USP34: variants seen among roughly 807,000 people sequenced by gnomAD.
USP34 encodes ubiquitin specific peptidase 34.
USP34 carries 70 observed loss-of-function variants against 460.3 expected under a neutral mutation model. That is an observed-to-expected ratio of 0.15 (90% CI 0.13 to 0.19). The LOEUF is 0.19. Ranked by LOEUF, USP34 falls within the 10% of genes least tolerant of loss-of-function variation. The probability of loss-of-function intolerance (pLI) is 1.00; values close to 1 mark genes in which losing one functional copy is unlikely to be tolerated. For synonymous variants in USP34, 1,647 were observed against 1,405.3 expected, an observed-to-expected ratio of 1.17 and a Z score of -3.85; for missense variants, 3,985 against 4,236.2, an observed-to-expected ratio of 0.94 and a Z score of 1.65.
intron 75 of USP34, among the ~76,000 whole-genome samples, chr2:61,198,931 T>C (rs1456784676): frequency 6.6e-6 from 1 of 152,198 alleles, no homozygotes; most frequent in Non-Finnish European, 1.5e-5. Context: ...CACTTTTTTG[T>C]GTCTAAACTG....
chr2:61,205,155 T>G (rs1292610746), intron 72 of USP34, among the ~76,000 whole-genome samples: 1 of 152,206 alleles, frequency 6.6e-6, no homozygotes, highest in Non-Finnish European at 1.5e-5. Context: ...CCAGCCCAGA[T>G]TATTTAATGT....
At chr2:61,206,943 A>T (rs1687137102) in intron 70 of USP34, 57 bp from the exon 71 acceptor site, 2 of 1,568,010 alleles carry the variant, frequency 1.3e-6, no homozygotes. Flanking sequence ...ACTGAGCCAC[A>T]AAATGGTAGT....
chr2:61,430,366 T>C (rs2103996102), intron 1 of USP34, among the ~76,000 whole-genome samples: 1 of 152,318 alleles, frequency 6.6e-6, no homozygotes, highest in African/African-American at 2.4e-5. Flanking sequence ...ATCGTGCCAT[T>C]GCACTCCGGC....
At chr2:61,446,727 C>T (rs1461099345) in intron 1 of USP34, among the ~76,000 whole-genome samples, 1 of 149,668 alleles carries the variant, frequency 6.7e-6, no homozygotes, top group Non-Finnish European at 1.5e-5. Flanking sequence ...ACCTGAGAGG[C>T]AGAGGTTGCA....
rs114368426 is a variant in USP34, at chr2:61,367,654, G to A, written c.1251+2667C>T. ...ATCACTAAATATAGTAAAAGAAATA[G>A]CAACATAATGGAAGAAATATAATTG... On this transcript the variant is annotated intron_variant, in intron 10 of 79. Transcript: ENST00000398571. Among the ~76,000 whole-genome samples the A allele has an allele frequency of 7.4e-3, 1,121 of 151,968 alleles. 11 individuals are homozygous for A. Among genetic ancestry groups the A allele is most frequent in the African/African-American group, 0.026 (1,067 of 41,442 alleles).
chr2:61,241,782 TC>T lies in USP34; in HGVS notation c.6664del (p.Asp2222ThrfsTer37). 6.5e-7 allele frequency: 1 copy of T among 1,535,616 alleles called. No individual in the cohort carries two copies. The highest frequency in any genetic ancestry group is 8.8e-7 in the Non-Finnish European group (1 of 1,136,844). On this transcript the variant is annotated frameshift_variant, in exon 52 of 80. Transcript: ENST00000398571. LOFTEE classifies it high-confidence loss of function. ...TYDSVTDKFM[D>X]FSFEKTHSAY... ...AATGGTTACCTTTTCAAAAGAGAAG[TC>T]CATAAATTTATCTGTAACAGAATCA...
intron 3 of USP34, among the ~76,000 whole-genome samples, chr2:61,404,581 C>T (rs1462928001): frequency 6.6e-6 from 1 of 152,130 alleles, no homozygotes; most frequent in Non-Finnish European, 1.5e-5. Flanking sequence ...AGCCAATCTA[C>T]CCTAGTGGAA....
chr2:61,284,856 T>G lies in USP34; in HGVS notation c.4832+19A>C. On this transcript the variant is annotated intron_variant, in intron 35 of 79. Transcript: ENST00000398571. ...TCCTGCTATACATACACACATAAAA[T>G]ATATCTTAAAATGCATACCTAGGAG... 2 of 1,587,024 alleles carry G rather than the reference T, an allele frequency of 1.3e-6. No homozygotes were observed.
chr2:61,190,097 C>T, intron 78 of USP34, 174 bp downstream of exon 78: 1 of 697,528 alleles, frequency 1.4e-6, no homozygotes, highest in Non-Finnish European at 2.2e-6. Context: ...ATAGAGTGTG[C>T]TGTGTACATA....
At chr2:61,307,512 A>G (rs1690450335) in intron 27 of USP34, among the ~76,000 whole-genome samples, 1 of 152,042 alleles carries the variant, frequency 6.6e-6, no homozygotes, top group Admixed American at 6.6e-5. Flanking sequence ...CAATCTCATG[A>G]TTTCCTTTTT....
intron 5 of USP34, among the ~76,000 whole-genome samples, chr2:61,386,166 T>C (rs1274454934): frequency 6.6e-6 from 1 of 151,986 alleles, no homozygotes; most frequent in Non-Finnish European, 1.5e-5. Flanking sequence ...CATAAAAACA[T>C]CCGATTTGGC....
At chr2:61,311,221 G>C (rs1558523616) in intron 27 of USP34, among the ~76,000 whole-genome samples, 1 of 152,198 alleles carries the variant, frequency 6.6e-6, no homozygotes, top group Non-Finnish European at 1.5e-5. Context: ...AAAAGGGTCT[G>C]ATGGAGGGAG....
intron 1 of USP34, among the ~76,000 whole-genome samples, chr2:61,459,155 A>G (rs1461820188): frequency 6.6e-6 from 1 of 152,206 alleles, no homozygotes; most frequent in Non-Finnish European, 1.5e-5. Flanking sequence ...TGAGTTTCCC[A>G]ACTTCCACAG....
intron 19 of USP34, among the ~76,000 whole-genome samples, chr2:61,332,236 C>A (rs1417422654): frequency 6.6e-6 from 1 of 151,886 alleles, no homozygotes; most frequent in Non-Finnish European, 1.5e-5. Context: ...GCCATTAGAA[C>A]GAGTTTAAGA....
chr2:61,243,798 A>G (rs1688344426), intron 51 of USP34, among the ~76,000 whole-genome samples: 2 of 151,646 alleles, frequency 1.3e-5, no homozygotes, highest in African/African-American at 2.4e-5. Context: ...TTGAACCAGA[A>G]GTTGGAGGCT....
Position 61,188,688 on chromosome 2 carries a change from A to C in USP34, c.10055T>G (p.Ile3352Ser), listed in dbSNP as rs1686524948. 1.9e-6 allele frequency: 3 copies of C among 1,613,750 alleles called. No homozygotes were observed. The highest frequency in any genetic ancestry group is 1.7e-6 in the Non-Finnish European group (2 of 1,179,914). ...ATCACTGCTAACACGCCGCCTTTTA[A>C]TGGGAGTTGCTCCTTCATCATCTGT... ...KTKDDEGATP[I>S]KRRRVSSDEE... Residue 3352 changes from isoleucine to serine, a missense_variant, in exon 80 of 80, where the codon ATT (isoleucine) becomes AGT (serine). Coordinates refer to ENST00000398571, the MANE Select transcript of USP34 (RefSeq NM_014709.4).
intron 20 of USP34, among the ~76,000 whole-genome samples, chr2:61,329,303 G>A (rs967488086): frequency 6.6e-6 from 1 of 152,110 alleles, no homozygotes; most frequent in South Asian, 2.1e-4. Context: ...TGGGATTACA[G>A]CCATGAGCCA....
intron 10 of USP34, among the ~76,000 whole-genome samples, chr2:61,359,739 T>A (rs1016792594): frequency 6.7e-6 from 1 of 149,942 alleles, no homozygotes; most frequent in Non-Finnish European, 1.5e-5. Flanking sequence ...AGAAGGAACT[T>A]ACCTCAGCAT....
chr2:61,364,245 C>T (rs1053776878), intron 10 of USP34, among the ~76,000 whole-genome samples: 4 of 152,142 alleles, frequency 2.6e-5, no homozygotes, highest in Admixed American at 6.5e-5. Context: ...TGCTTTAGTC[C>T]CAGCTACTCA....
Sources: gnomAD v4.1 joint callset for allele counts (sites outside exome capture counted in the v4.1 genomes callset) on GRCh38, gnomAD v4.1.1 for gene constraint, MANE v1.5 for transcripts, NCBI Gene and HGNC (gene_info 2026-07-23, HGNC 2026-07-21) for gene names.